Variants in STRIP2 observed in about 807,000 individuals in gnomAD.
The protein encoded by STRIP2 is striatin interacting protein 2.
Under a neutral mutation model 107.1 loss-of-function variants are expected in STRIP2, and 84 were observed. That is an observed-to-expected ratio of 0.78 (90% CI 0.66 to 0.94). STRIP2 has a LOEUF of 0.94. Ranked by LOEUF, STRIP2 falls within the 40% of genes least tolerant of loss-of-function variation. The pLI, the probability that STRIP2 is intolerant of heterozygous loss-of-function variation, is 0.00. For synonymous variants in STRIP2, 394 were observed against 400.4 expected (o/e 0.98, Z 0.19); for missense variants, 888 against 1,034.2 (o/e 0.86, Z 1.94).
At chr7:129,478,950 A>G (rs965680650) in intron 18 of STRIP2, among the ~76,000 whole-genome samples, 1 of 152,128 alleles carries the variant, frequency 6.6e-6, no homozygotes, top group African/African-American at 2.4e-5. Flanking sequence ...TACTTATCCC[A>G]TATGTTTTGT....
At chr7:129,459,910 G>A (rs555994814) in intron 12 of STRIP2, among the ~76,000 whole-genome samples, 18 of 151,976 alleles carry the variant, frequency 1.2e-4, no homozygotes, top group Non-Finnish European at 2.4e-4. Context: ...CCAGGATTGA[G>A]TAGGAGCCTG....
intron 18 of STRIP2, among the ~76,000 whole-genome samples, chr7:129,470,956 A>T (rs1336746837): frequency 6.6e-6 from 1 of 152,224 alleles, no homozygotes; most frequent in Non-Finnish European, 1.5e-5. Flanking sequence ...AAAAACACTA[A>T]GGAGGAAAAG....
In STRIP2 at chr7:129,436,770, A is replaced by G. The variant is rs144392818; in HGVS notation, c.129+2169A>G. The stretch of plus-strand genomic sequence containing the variant: ...ATCACTAGAAGAGAATTACTGTGGC[A>G]CAAGTCAAGAGAGCCTCATCGTGTA... On this transcript the variant is annotated intron_variant, in intron 1 of 20. Transcript: ENST00000249344. Among the ~76,000 whole-genome samples the G allele has an allele frequency of 8.8e-3, 1,344 of 152,300 alleles. 12 individuals are homozygous for G. Among genetic ancestry groups the G allele is most frequent in the Admixed American group, 0.02 (308 of 15,308 alleles).
chr7:129,460,468 A>G, intron 13 of STRIP2, 96 bp downstream of exon 13: 1 of 1,006,086 alleles, frequency 9.9e-7, no homozygotes, highest in Non-Finnish European at 1.5e-6. Context: ...TCAGCATATT[A>G]GGCTGTAACT....
intron 18 of STRIP2, chr7:129,477,862 C>G (rs1799012071): frequency 2.2e-6 from 1 of 459,210 alleles, no homozygotes; most frequent in Admixed American, 2.4e-5. Context: ...ATCTGTGAGC[C>G]CATGTAGACA....
Position 129,455,280 on chromosome 7 carries a change from T to G in STRIP2, c.743T>G (p.Leu248Ter), listed in dbSNP as rs1026636030. Residue 248 changes from leucine (L) to a stop codon, truncating the protein, a stop_gained, in exon 8 of 21, where the codon TTA (leucine) becomes TGA (stop). Transcript: ENST00000249344. LOFTEE classifies it high-confidence loss of function. ...CATAATGAGGAGCCTTTTGCCCTTT[T>G]ACTCTTCTCCATGGTTACCAAGTTC... The part of the protein sequence containing the change: ...SMHNEEPFAL[L>*]LFSMVTKFCS... 3.6e-5 allele frequency: 58 copies of G among 1,613,848 alleles called. No individual in the cohort carries two copies. The highest frequency in any genetic ancestry group is 4.7e-5 in the Non-Finnish European group (55 of 1,179,920).
At position 129,486,160 on chromosome 7, in the gene STRIP2, T is replaced by C. The variant is rs1231822477; in HGVS notation, c.*331T>C. The C allele has an allele frequency of 1.6e-5, 4 of 248,350 alleles. No individual in the cohort carries two copies. The highest frequency in any genetic ancestry group is 1.7e-4 in the East Asian group (2 of 12,050). 15.4% of individuals were successfully genotyped at this position (248,350 alleles called of 1,614,324 possible). ...GAAATTTGTTATGGCATTTGACCCA[T>C]GGCATTCATCACAGATAGTGGGAGG... On this transcript the variant is annotated 3_prime_UTR_variant, in exon 21 of 21. Coordinates refer to ENST00000249344, the MANE Select transcript of STRIP2 (RefSeq NM_020704.3).
rs533627735 is a variant in STRIP2 at position 129,456,370 on chromosome 7, C to G, written c.835-69C>G. The stretch of plus-strand genomic sequence containing the variant: ...TGGCCCTTTCTTTTCATCCATGTTT[C>G]CCTGACCTTGGCTCTCTCTTACTTC... On this transcript the variant is annotated intron_variant, in intron 8 of 20. Transcript: ENST00000249344. 39 of 1,428,468 alleles carry G rather than the reference C, an allele frequency of 2.7e-5. No homozygotes were observed. The African/African-American group carries it at 4.9e-4, about 18-fold the overall frequency. The allele number at this position is 1,428,468 out of a possible 1,614,324, so 88.5% of individuals were successfully genotyped here.
In STRIP2 at chr7:129,485,545, T is replaced by A. The variant is rs766447524; in HGVS notation, c.2255-34T>A. The A allele has an allele frequency of 5.5e-5, 88 of 1,612,298 alleles. 1 individual carries two copies. Among genetic ancestry groups the A allele is most frequent in the Non-Finnish European group, 7.0e-5 (83 of 1,178,886 alleles). On this transcript the variant is annotated intron_variant, in intron 20 of 20. Transcript: ENST00000249344. ...TGATAAGAGGAGCAGTGTCTTGCATTGTATGTCTTCTTCTTCCTCTCTTTC... is the reference window on the plus strand; with the variant it reads ...TGATAAGAGGAGCAGTGTCTTGCATAGTATGTCTTCTTCTTCCTCTCTTTC...
At chr7:129,457,766 C>A (rs998581540) in intron 9 of STRIP2, among the ~76,000 whole-genome samples, 1 of 152,182 alleles carries the variant, frequency 6.6e-6, no homozygotes, top group Admixed American at 6.5e-5. Flanking sequence ...TCTGTCCAAT[C>A]TTTTTTTCTT....
At chr7:129,460,516 T>C (rs192076600) in intron 13 of STRIP2, 144 bp downstream of exon 13, 2 of 701,548 alleles carry the variant, frequency 2.9e-6, no homozygotes, top group East Asian at 5.5e-5. Flanking sequence ...TTTCATGATA[T>C]ATTGAAGTTG....
At chr7:129,442,050 C>A (rs1398619388) in intron 2 of STRIP2, among the ~76,000 whole-genome samples, 1 of 152,146 alleles carries the variant, frequency 6.6e-6, no homozygotes, top group Admixed American at 6.5e-5. Flanking sequence ...TATGGTGAAA[C>A]CTTGTCTCTA....
chr7:129,467,386 T>G lies in STRIP2; in HGVS notation c.1813T>G (p.Cys605Gly). The G allele has an allele frequency of 6.2e-7, 1 of 1,613,896 alleles. No homozygotes were observed. The highest frequency in any genetic ancestry group is 8.5e-7 in the Non-Finnish European group (1 of 1,179,876). Residue 605 changes from cysteine (C) to glycine (G), a missense_variant, in exon 17 of 21, where the codon TGC becomes GGC. Cys to Gly is a radical substitution (Grantham distance 159). Transcript: ENST00000249344. ...YVSQHLVFAN[C>G]IPLILKFFNQ... The stretch of plus-strand genomic sequence containing the variant: ...ATCGCAACATTTGGTATTTGCCAAC[T>G]GCATCCCCTTGATCCTGAAGTTCTT...
chr7:129,460,356 A>G lies in STRIP2; in HGVS notation c.1460A>G (p.Lys487Arg), dbSNP rs373614889. The change falls in exon 13 of 21, where the codon AAG (lysine) becomes AGG (arginine). Residue 487 changes from lysine (K) to arginine (R), a missense_variant. Coordinates refer to ENST00000249344, the MANE Select transcript of STRIP2 (RefSeq NM_020704.3). Reference protein sequence around the residue: ...VQIKNEEELEKCPMSLGEEVV... With the variant: ...VQIKNEEELERCPMSLGEEVV... ...ATCAAGAATGAAGAGGAGCTGGAGA[A>G]GTGCCCTATGTCTTTGGTGAGCCAA... 3 of 1,613,974 alleles carry G rather than the reference A, an allele frequency of 1.9e-6. No homozygotes were observed. Among genetic ancestry groups the G allele is most frequent in the Non-Finnish European group, 2.5e-6 (3 of 1,179,944 alleles).
At chr7:129,462,060 A>G (rs983449515) in intron 13 of STRIP2, among the ~76,000 whole-genome samples, 1 of 152,160 alleles carries the variant, frequency 6.6e-6, no homozygotes, top group Admixed American at 6.5e-5. Context: ...TGCCTGTCTG[A>G]TTGCTTCTGT....
Position 129,443,912 on chromosome 7 carries a change from A to C in STRIP2, c.200-112A>C, listed in dbSNP as rs1013342620. ...AAAGGAGGAAGCTAGCTTTGGATTC[A>C]TTGGACACAGGAATGTGTTGGAAGC... On this transcript the variant is annotated intron_variant, in intron 2 of 20. Transcript: ENST00000249344. 14 of 782,990 alleles carry C rather than the reference A, an allele frequency of 1.8e-5. No individual in the cohort carries two copies. The Admixed American group carries it at 2.0e-4, about 11-fold the overall frequency. 48.5% of individuals were successfully genotyped at this position (782,990 alleles called of 1,614,324 possible).
At chr7:129,434,751 C>T (rs1305567440) in intron 1 of STRIP2, 150 bp downstream of exon 1, 2 of 1,040,850 alleles carry the variant, frequency 1.9e-6, no homozygotes, top group African/African-American at 1.7e-5. Flanking sequence ...CGGCTGAACT[C>T]TGGGCTCTTT....
intron 14 of STRIP2, among the ~76,000 whole-genome samples, chr7:129,463,379 A>C (rs2151006703): frequency 6.6e-6 from 1 of 152,184 alleles, no homozygotes; most frequent in Non-Finnish European, 1.5e-5. Flanking sequence ...GGAAGATGCC[A>C]ATGGTTCAGG....
At chr7:129,467,567 G>A in intron 17 of STRIP2, 117 bp downstream of exon 17, 1 of 594,216 alleles carries the variant, frequency 1.7e-6, no homozygotes, top group East Asian at 2.9e-5. Context: ...TCTTAGAGCT[G>A]TCACTGTTAA....
Sources: allele counts gnomAD v4.1 joint callset (sites outside exome capture counted in the v4.1 genomes callset), GRCh38; gene constraint gnomAD v4.1.1; transcripts MANE v1.5; gene names NCBI Gene and HGNC (gene_info 2026-07-23, HGNC 2026-07-21).